SNX9: variants seen among roughly 807,000 people sequenced by gnomAD.
SNX9 encodes the protein sorting nexin 9.
Under a neutral mutation model 89.4 loss-of-function variants are expected in SNX9, and 44 were observed. The ratio of observed to expected loss-of-function variants is 0.49; its 90% CI spans 0.39 to 0.63. The LOEUF is 0.63. Ranked by LOEUF, SNX9 falls within the 30% of genes least tolerant of loss-of-function variation. SNX9 has a pLI of 0.00. For synonymous variants in SNX9, 236 were observed against 247.8 expected, an observed-to-expected ratio of 0.95 and a Z score of 0.45; for missense variants, 578 against 736.1, an observed-to-expected ratio of 0.79 and a Z score of 2.49.
intron 9 of SNX9, 81 bp downstream of exon 9, chr6:157,910,106 A>G: frequency 9.1e-7 from 1 of 1,094,992 alleles, no homozygotes; most frequent in Non-Finnish European, 1.4e-6. Flanking sequence ...CAGTGATGGC[A>G]TTTTCCATCC....
intron 1 of SNX9, chr6:157,830,362 T>G (rs1045249802): frequency 6.6e-6 from 1 of 152,242 alleles, no homozygotes; most frequent in African/African-American, 2.4e-5. Flanking sequence ...AATGAAGGTA[T>G]TCTTCCTTTG....
intron 1 of SNX9, among the ~76,000 whole-genome samples, chr6:157,844,600 G>T (rs111813724): frequency 0.1 from 13,074 of 129,838 alleles, 1,138 homozygotes; most frequent in African/African-American, 0.24. Flanking sequence ...TTTTTTTTTT[G>T]TTTTTTTTTT....
chr6:157,933,777 T>C (rs1420198034), intron 13 of SNX9, among the ~76,000 whole-genome samples: 2 of 152,172 alleles, frequency 1.3e-5, no homozygotes, highest in Non-Finnish European at 2.9e-5. Flanking sequence ...GCCATCATGA[T>C]GGCCCGGCTC....
At chr6:157,904,396 T>G (rs1783167645) in intron 6 of SNX9, among the ~76,000 whole-genome samples, 1 of 152,038 alleles carries the variant, frequency 6.6e-6, no homozygotes. Flanking sequence ...ATGGCACCAC[T>G]GCACTCCAGC....
At chr6:157,837,021 C>T (rs1206594560) in intron 1 of SNX9, among the ~76,000 whole-genome samples, 1 of 152,180 alleles carries the variant, frequency 6.6e-6, no homozygotes, top group Non-Finnish European at 1.5e-5. Flanking sequence ...TGGTTGGTCC[C>T]TAAGATCTGT....
In SNX9 at chr6:157,914,469, C is replaced by CTTTTTTTTTTTTTTTTTT. The variant is rs34419515; in HGVS notation, c.949+4450_949+4467dup. 2.7e-4 allele frequency among the ~76,000 whole-genome samples: 20 copies of CTTTTTTTTTTTTTTTTTT among 75,112 alleles called. 3 individuals carry two copies. Among genetic ancestry groups the CTTTTTTTTTTTTTTTTTT allele is most frequent in the African/African-American group, 1.0e-3 (18 of 17,718 alleles). 49.3% of individuals were successfully genotyped at this position (75,112 alleles called of 152,430 possible). A position where few individuals can be genotyped will look rare whatever the true frequency, so the allele number is the denominator to read the frequency against. The stretch of plus-strand genomic sequence containing the variant: ...TGGCTTGGCTTGTCATTTTCTTTTT[C>CTTTTTTTTTTTTTTTTTT]TTTTTTTTTTTTTTTTTTTTTTTGG... On this transcript the variant is annotated intron_variant, in intron 9 of 17. Transcript: ENST00000392185.
chr6:157,870,896 C>T (rs1562600151), intron 2 of SNX9, among the ~76,000 whole-genome samples: 2 of 152,272 alleles, frequency 1.3e-5, no homozygotes, highest in African/African-American at 4.8e-5. Flanking sequence ...CACGCACACA[C>T]CCCTCAGACA....
intron 5 of SNX9, 81 bp downstream of exon 5, chr6:157,897,079 G>A (rs982945184): frequency 4.4e-6 from 6 of 1,352,544 alleles, no homozygotes; most frequent in African/African-American, 2.9e-5. Flanking sequence ...TGTTTTTGCT[G>A]TTCCCACACT....
At chr6:157,852,351 G>T (rs1429998234) in intron 1 of SNX9, among the ~76,000 whole-genome samples, 1 of 152,062 alleles carries the variant, frequency 6.6e-6, no homozygotes, top group Non-Finnish European at 1.5e-5. Context: ...TCTGATTACT[G>T]GACATCAAAA....
intron 9 of SNX9, among the ~76,000 whole-genome samples, chr6:157,914,242 G>A (rs567638068): frequency 1.3e-5 from 2 of 152,144 alleles, no homozygotes; most frequent in South Asian, 4.2e-4. Context: ...TCCTGATGGC[G>A]AGTGGGGTTG....
In SNX9 at chr6:157,927,133, A is replaced by G; in HGVS notation, c.1103A>G (p.Lys368Arg). The change falls in exon 11 of 18, where the codon AAG becomes AGG. Residue 368 changes from lysine (K) to arginine (R), a missense_variant. Transcript: ENST00000392185. ...CAGGAATGGAAAACTGGAAAGAGGA[A>G]GGCCGAGAGAGATGAGCTGGCGGGA... ...DEKEWKTGKR[K>R]AERDELAGVM... is the part of the protein sequence containing the mutation. The G allele has an allele frequency of 6.2e-7, 1 of 1,614,010 alleles. No homozygotes were observed. Among genetic ancestry groups the G allele is most frequent in the African/African-American group, 1.3e-5 (1 of 75,044 alleles).
chr6:157,934,421 TG>T (rs1439844606), intron 13 of SNX9, among the ~76,000 whole-genome samples: 2 of 152,050 alleles, frequency 1.3e-5, no homozygotes, highest in East Asian at 1.9e-4. Flanking sequence ...TAAATCAAAA[TG>T]GAAAAAAAAT....
chr6:157,877,077 T>G (rs904182640), intron 4 of SNX9, among the ~76,000 whole-genome samples: 4 of 152,248 alleles, frequency 2.6e-5, no homozygotes, highest in Non-Finnish European at 4.4e-5. Context: ...ATTTATCTTA[T>G]TTTAATTCTA....
Position 157,932,187 on chromosome 6 carries a change from T to A in SNX9, c.1289-8T>A. ...AAGACTAATCGTTTATTCCTTTTTG[T>A]CTTTCAGCATTACCCAAGGAATATC... is the stretch of plus-strand genomic sequence containing the variant. On this transcript the variant is annotated splice_polypyrimidine_tract_variant and splice_region_variant and intron_variant, in intron 12 of 17. Transcript: ENST00000392185. The A allele has an allele frequency of 6.2e-7, 1 of 1,613,622 alleles. No individual in the cohort carries two copies. Among genetic ancestry groups the A allele is most frequent in the Non-Finnish European group, 8.5e-7 (1 of 1,179,472 alleles).
At chr6:157,927,325 A>G in intron 11 of SNX9, 111 bp downstream of exon 11, 1 of 680,918 alleles carries the variant, frequency 1.5e-6, no homozygotes. Flanking sequence ...CTAGACTTTT[A>G]TGAAATGAGT....
intron 4 of SNX9, among the ~76,000 whole-genome samples, chr6:157,883,768 A>T (rs1335415555): frequency 3.9e-5 from 6 of 152,234 alleles, no homozygotes; most frequent in Non-Finnish European, 5.9e-5. Flanking sequence ...CTTCAGGTTC[A>T]GCTCAAATAC....
chr6:157,899,142 C>T (rs969333397), intron 5 of SNX9, among the ~76,000 whole-genome samples: 1 of 145,972 alleles, frequency 6.9e-6, no homozygotes, highest in Non-Finnish European at 1.5e-5. Flanking sequence ...GAGCCCACAG[C>T]ACCTTATCTG....
intron 4 of SNX9, among the ~76,000 whole-genome samples, chr6:157,880,351 A>G (rs534616870): frequency 6.6e-6 from 1 of 152,152 alleles, no homozygotes; most frequent in African/African-American, 2.4e-5. Flanking sequence ...CAATCCACTT[A>G]CCCTTTTGTG....
At chr6:157,857,407 A>G (rs1782033617) in intron 1 of SNX9, among the ~76,000 whole-genome samples, 1 of 152,142 alleles carries the variant, frequency 6.6e-6, no homozygotes, top group African/African-American at 2.4e-5. Flanking sequence ...TTTTAATGAA[A>G]AATGCTGCTC....
Sources: gnomAD v4.1 joint callset for allele counts (sites outside exome capture counted in the v4.1 genomes callset) on GRCh38, gnomAD v4.1.1 for gene constraint, MANE v1.5 for transcripts, NCBI Gene and HGNC (gene_info 2026-07-23, HGNC 2026-07-21) for gene names.